HERC1: variants seen among roughly 807,000 people sequenced by gnomAD.
HERC1 encodes probable E3 ubiquitin-protein ligase HERC1.
In HERC1, 160 loss-of-function variants were observed where a neutral mutation model predicts 554.3. The observed-to-expected ratio is 0.29, with a 90% CI of 0.25 to 0.33. The LOEUF (loss-of-function observed/expected upper bound fraction) is 0.33, where lower values mean the gene tolerates loss of function less well. Ranked by LOEUF, HERC1 falls within the 10% of genes least tolerant of loss-of-function variation. The pLI is 1.00. For missense variants in HERC1, 4,919 were observed against 5,918.5 expected, an observed-to-expected ratio of 0.83 and a Z score of 5.54; for synonymous variants, 2,175 against 2,131.7, an observed-to-expected ratio of 1.02 and a Z score of -0.56.
At chr15:63,689,197 G>GAA (rs145440324) in intron 33 of HERC1, among the ~76,000 whole-genome samples, 1 of 151,496 alleles carries the variant, frequency 6.6e-6, no homozygotes, top group African/African-American at 2.4e-5. Flanking sequence ...GTAAGAAGTG[G>GAA]AAAAAAAAGG....
intron 2 of HERC1, among the ~76,000 whole-genome samples, chr15:63,773,311 G>A (rs947385984): frequency 4.6e-5 from 7 of 151,646 alleles, no homozygotes; most frequent in Non-Finnish European, 1.0e-4. Flanking sequence ...GGGCATGCTA[G>A]TGCACACCTG....
rs2067650899 is a variant in HERC1, at chr15:63,612,634, C to T, written c.14095-78G>A. 1 of 1,362,618 alleles carries T rather than the reference C, an allele frequency of 7.3e-7. No homozygotes were observed. The allele number at this position is 1,362,618 out of a possible 1,614,324, so 84.4% of individuals were successfully genotyped here. ...ACCAAGGGCCCTGTGGGGCTAGGCG[C>T]CTCCTGATGCCTGCTCGTCCGCTCC... On this transcript the variant is annotated intron_variant, in intron 76 of 77. Transcript: ENST00000443617. This position sits in a 1 kb window ranked among gnomAD's most constrained non-coding sequence, Gnocchi z 5.0.
intron 1 of HERC1, among the ~76,000 whole-genome samples, chr15:63,787,451 C>A (rs1314106907): frequency 2.0e-5 from 3 of 152,130 alleles, no homozygotes; most frequent in African/African-American, 7.2e-5. Flanking sequence ...GCCGCCACGG[C>A]TGACCAATAA....
intron 1 of HERC1, among the ~76,000 whole-genome samples, chr15:63,831,571 T>C (rs76813158): frequency 0.013 from 1,970 of 152,326 alleles, 25 homozygotes; most frequent in Middle Eastern, 0.027. Flanking sequence ...GTCATCATTA[T>C]CATCATTTTA....
intron 74 of HERC1, among the ~76,000 whole-genome samples, chr15:63,622,316 T>A (rs1325475771): frequency 6.9e-6 from 1 of 144,952 alleles, no homozygotes; most frequent in East Asian, 1.9e-4. Context: ...TTGATGGAAG[T>A]GCCTGTTTCC....
At chr15:63,644,103 G>A (rs2069203744) in intron 57 of HERC1, among the ~76,000 whole-genome samples, 1 of 152,160 alleles carries the variant, frequency 6.6e-6, no homozygotes, top group Admixed American at 6.6e-5. Context: ...CCACTGCTGT[G>A]ATATTCTCCT....
rs201690555 is a variant in HERC1, at chr15:63,686,527, G to T, written c.6057C>A (p.Gly2019=). Residue 2019 remains glycine (G), a synonymous_variant, in exon 34 of 78, where the codon GGC becomes GGA. Coordinates refer to ENST00000443617, the MANE Select transcript of HERC1 (RefSeq NM_003922.4). ...KEQEIKLQKQ[G]ELEEEDENLP... The stretch of plus-strand genomic sequence containing the variant: ...GATTCTCATCTTCTTCTTCCAACTC[G>T]CCCTGCTTCTACCAGAAAAGAAGCT... 1.9e-6 allele frequency: 3 copies of T among 1,612,044 alleles called. No homozygotes were observed. The East Asian group carries it at 6.7e-5, about 36-fold the overall frequency.
chr15:63,807,847 T>C (rs1186549466), intron 1 of HERC1, among the ~76,000 whole-genome samples: 1 of 152,120 alleles, frequency 6.6e-6, no homozygotes, highest in Non-Finnish European at 1.5e-5. Flanking sequence ...TTTCCACTTA[T>C]ACTTCCTACA....
Position 63,694,616 on chromosome 15 carries a change from T to A in HERC1, c.5243-67A>T. 2 of 1,457,878 alleles carry A rather than the reference T, an allele frequency of 1.4e-6. No individual in the cohort carries two copies. The highest frequency in any genetic ancestry group is 1.9e-6 in the Non-Finnish European group (2 of 1,058,380). 90.3% of individuals were successfully genotyped at this position (1,457,878 alleles called of 1,614,324 possible). On this transcript the variant is annotated intron_variant, in intron 28 of 77. Transcript: ENST00000443617. This position sits in a 1 kb window ranked among gnomAD's most constrained non-coding sequence, Gnocchi z 4.3. ...ACAAAGCATTTATTAAAATGAATAA[T>A]TTTCTAAAATATTAATAACATGAAA... is the stretch of plus-strand genomic sequence containing the variant.
chr15:63,812,672 A>G (rs2077368297), intron 1 of HERC1, among the ~76,000 whole-genome samples: 1 of 152,220 alleles, frequency 6.6e-6, no homozygotes, highest in Admixed American at 6.5e-5. Flanking sequence ...CTATGAATGT[A>G]TATTATACTT....
chr15:63,749,788 A>C lies in HERC1; in HGVS notation c.1906T>G (p.Tyr636Asp), dbSNP rs368748818. ...AGACAAGCTCCACAGCCCCAAGCAT[A>C]GACCTGAAAAAAACAGAAATACGTT... ...SLALTSTGQV[Y>D]AWGCGACLGC... The change falls in exon 9 of 78, where the codon TAT becomes GAT. Residue 636 changes from tyrosine (Y) to aspartate (D), a missense_variant. Transcript: ENST00000443617. The surrounding 1 kb of genome is among the most constrained non-coding windows in gnomAD (Gnocchi z 4.1). 104 of 1,549,770 alleles carry C rather than the reference A, an allele frequency of 6.7e-5. No homozygotes were observed. Among genetic ancestry groups the C allele is most frequent in the Non-Finnish European group, 8.5e-5 (98 of 1,149,554 alleles).
At chr15:63,772,617 A>C (rs114676043) in intron 2 of HERC1, among the ~76,000 whole-genome samples, 1,875 of 152,130 alleles carry the variant, frequency 0.012, 38 homozygotes, top group African/African-American at 0.043. Flanking sequence ...CAGAAAACAA[A>C]GTTAGAAAAA....
intron 2 of HERC1, among the ~76,000 whole-genome samples, chr15:63,765,505 A>T (rs920699520): frequency 6.6e-6 from 1 of 152,126 alleles, no homozygotes; most frequent in Non-Finnish European, 1.5e-5. Flanking sequence ...ACTGATCTTA[A>T]GTCTAAAAAG....
rs772182820 is a variant in HERC1 at position 63,749,328 on chromosome 15, T to C, written c.2219+39A>G. ...TTTCTACTTTTTATTGGTGTTTATG[T>C]TAAAACACACAAGAATTTTTAAACA... On this transcript the variant is annotated intron_variant, in intron 10 of 77. Coordinates refer to ENST00000443617, the MANE Select transcript of HERC1 (RefSeq NM_003922.4). This position sits in a 1 kb window ranked among gnomAD's most constrained non-coding sequence, Gnocchi z 4.1. 6.2e-5 allele frequency: 93 copies of C among 1,496,848 alleles called. No homozygotes were observed. The Middle Eastern group carries it at 1.4e-3, about 23-fold the overall frequency. The allele number at this position is 1,496,848 out of a possible 1,614,324, so 92.7% of individuals were successfully genotyped here. A position where few individuals can be genotyped will look rare whatever the true frequency, so the allele number is the denominator to read the frequency against.
chr15:63,652,593 T>C, intron 51 of HERC1, 52 bp from the exon 52 acceptor site: 1 of 1,412,986 alleles, frequency 7.1e-7, no homozygotes, highest in South Asian at 1.3e-5. Context: ...AATGATTTTA[T>C]TATTTGAAAA....
rs568180691 is a variant in HERC1, at chr15:63,617,947, C to CTG, written c.13689-1267_13689-1266dup. 1.5e-3 allele frequency among the ~76,000 whole-genome samples: 225 copies of CTG among 152,060 alleles called. 1 individual carries two copies. Among genetic ancestry groups the CTG allele is most frequent in the African/African-American group, 5.1e-3 (213 of 41,396 alleles). ...TAGGTTGCAAAAATTTTCTCCCATT[C>CTG]TGTGGGTCGCCTGTTCACTCTGATG... is the stretch of plus-strand genomic sequence containing the variant. On this transcript the variant is annotated intron_variant, in intron 74 of 77. Transcript: ENST00000443617.
At chr15:63,707,072 A>G (rs2153098530) in intron 24 of HERC1, among the ~76,000 whole-genome samples, 1 of 152,334 alleles carries the variant, frequency 6.6e-6, no homozygotes, top group Non-Finnish European at 1.5e-5. Context: ...AACATTGCAG[A>G]GTAGCAGTAG....
intron 48 of HERC1, among the ~76,000 whole-genome samples, chr15:63,658,328 A>G (rs566035373): frequency 1.3e-5 from 2 of 152,222 alleles, no homozygotes; most frequent in Non-Finnish European, 2.9e-5. Flanking sequence ...CAGTTTACTC[A>G]GTTGTGATAA....
chr15:63,738,880 G>T (rs1364120557), intron 12 of HERC1, among the ~76,000 whole-genome samples: 1 of 151,672 alleles, frequency 6.6e-6, no homozygotes, highest in Admixed American at 6.6e-5. Context: ...ACACTACCCC[G>T]TTTCTGATAA....
Sources: gnomAD v4.1 joint callset for allele counts (sites outside exome capture counted in the v4.1 genomes callset) on GRCh38, gnomAD v4.1.1 for gene constraint, Gnocchi (gnomAD v3.1) non-coding constraint, MANE v1.5 for transcripts, NCBI Gene and HGNC (gene_info 2026-07-23, HGNC 2026-07-21) for gene names.